The following HS3ST5 variants were observed in gnomAD, a reference collection of about 807,000 sequenced individuals.
The protein encoded by HS3ST5 is heparan sulfate glucosamine 3-O-sulfotransferase 5.
A neutral mutation model predicts 25.4 loss-of-function variants in HS3ST5; 10 were observed. The observed-to-expected ratio is 0.39, with a 90% CI of 0.24 to 0.67. The LOEUF (loss-of-function observed/expected upper bound fraction) is 0.67, where lower values mean the gene tolerates loss of function less well. HS3ST5 is among the 30% of genes least tolerant of loss of function. The probability of loss-of-function intolerance (pLI) is 0.44; values close to 1 mark genes in which losing one functional copy is unlikely to be tolerated. For synonymous variants in HS3ST5, 170 were observed against 162.4 expected, an observed-to-expected ratio of 1.05 and a Z score of -0.36; for missense variants, 324 against 420.7, an observed-to-expected ratio of 0.77 and a Z score of 2.01.
At chr6:114,207,845 G>A (rs1374662523) in intron 2 of HS3ST5, among the ~76,000 whole-genome samples, 1 of 152,024 alleles carries the variant, frequency 6.6e-6, no homozygotes, top group Admixed American at 6.6e-5. Flanking sequence ...TATACCATAT[G>A]TCTTATACTG....
chr6:114,084,100 T>A, intron 3 of HS3ST5: 1 of 584,962 alleles, frequency 1.7e-6, no homozygotes, highest in African/African-American at 1.9e-5. Flanking sequence ...TTTTTTTTTT[T>A]TAGAAACTGA....
At position 114,057,641 on chromosome 6, in the gene HS3ST5, T is replaced by A. The variant is rs1398954828; in HGVS notation, c.657A>T (p.Thr219=). Residue 219 remains threonine, a synonymous_variant, in exon 5 of 5, where the codon ACA becomes ACT. Coordinates refer to ENST00000312719, the MANE Select transcript of HS3ST5 (RefSeq NM_153612.4). The part of the protein sequence containing the change: ...KFEKLAIDPN[T]CEVNTKYKAV... Reference sequence around the variant, plus strand: ...CTTTGTATTTTGTGTTCACTTCGCATGTATTAGGGTCTATGGCCAGCTTCT... The same window carrying A: ...CTTTGTATTTTGTGTTCACTTCGCAAGTATTAGGGTCTATGGCCAGCTTCT... 6.2e-7 allele frequency: 1 copy of A among 1,614,024 alleles called. No homozygotes were observed. Among genetic ancestry groups the A allele is most frequent in the Non-Finnish European group, 8.5e-7 (1 of 1,180,016 alleles).
At chr6:114,175,027 G>A in intron 2 of HS3ST5, among the ~76,000 whole-genome samples, 1 of 152,102 alleles carries the variant, frequency 6.6e-6, no homozygotes. Context: ...GATAATAGGA[G>A]CATTGAAGGA....
At chr6:114,207,012 C>T (rs1264247016) in intron 2 of HS3ST5, among the ~76,000 whole-genome samples, 11 of 152,172 alleles carry the variant, frequency 7.2e-5, no homozygotes, top group Admixed American at 7.2e-4. Flanking sequence ...CTAGAGGATA[C>T]AGTATATCAC....
intron 1 of HS3ST5, among the ~76,000 whole-genome samples, chr6:114,249,403 G>A (rs952268771): frequency 5.3e-5 from 8 of 152,200 alleles, no homozygotes; most frequent in African/African-American, 1.9e-4. Context: ...AACAAGGCAT[G>A]AGAGAGAATA....
chr6:114,321,264 C>T (rs536413185), intron 1 of HS3ST5, among the ~76,000 whole-genome samples: 5 of 152,004 alleles, frequency 3.3e-5, no homozygotes, highest in Non-Finnish European at 7.4e-5. Context: ...GGGTTTATTG[C>T]TCCATCTATA....
At chr6:114,058,278 T>A in intron 4 of HS3ST5, 88 bp from the exon 5 acceptor site, 1 of 962,334 alleles carries the variant, frequency 1.0e-6, no homozygotes, top group Non-Finnish European at 1.5e-6. Flanking sequence ...TTTAAATGCA[T>A]AAATAAAGCC....
intron 1 of HS3ST5, among the ~76,000 whole-genome samples, chr6:114,289,045 TTGA>T: frequency 6.6e-6 from 1 of 152,246 alleles, no homozygotes; most frequent in Middle Eastern, 3.4e-3. Context: ...TAGTAGGCCC[TTGA>T]TGAATGCTGA....
At chr6:114,137,223 TC>T (rs1021840847) in intron 3 of HS3ST5, among the ~76,000 whole-genome samples, 4 of 151,958 alleles carry the variant, frequency 2.6e-5, no homozygotes, top group South Asian at 2.1e-4. Flanking sequence ...CAATTTCTTC[TC>T]CCCCCCGCAA....
At chr6:114,313,348 C>A (rs1323467085) in intron 1 of HS3ST5, among the ~76,000 whole-genome samples, 1 of 152,000 alleles carries the variant, frequency 6.6e-6, no homozygotes, top group Non-Finnish European at 1.5e-5. Flanking sequence ...CACTTGCTTA[C>A]AATAAAGAAA....
intron 3 of HS3ST5, among the ~76,000 whole-genome samples, chr6:114,131,627 C>T (rs1046589323): frequency 1.3e-5 from 2 of 152,138 alleles, no homozygotes; most frequent in Admixed American, 6.6e-5. Flanking sequence ...ATACTTCTTT[C>T]AGGAAACTGA....
At chr6:114,266,370 A>G (rs1773405102) in intron 1 of HS3ST5, among the ~76,000 whole-genome samples, 1 of 152,196 alleles carries the variant, frequency 6.6e-6, no homozygotes, top group African/African-American at 2.4e-5. Flanking sequence ...TTTGGCAAAA[A>G]ATTTAAGATA....
At chr6:114,307,653 T>C (rs1460773013) in intron 1 of HS3ST5, among the ~76,000 whole-genome samples, 1 of 152,056 alleles carries the variant, frequency 6.6e-6, no homozygotes, top group Non-Finnish European at 1.5e-5. Flanking sequence ...GTGGAAAGAA[T>C]TTGCATTTAA....
chr6:114,292,088 CAT>C (rs1774603404), intron 1 of HS3ST5, among the ~76,000 whole-genome samples: 1 of 135,204 alleles, frequency 7.4e-6, no homozygotes, highest in African/African-American at 2.5e-5. Flanking sequence ...GGAATAAAGA[CAT>C]TGTTTAATTG....
rs1167237196 is a variant in HS3ST5, at chr6:114,245,457, G to A, written c.-338-16679C>T. 6.6e-5 allele frequency among the ~76,000 whole-genome samples: 10 copies of A among 152,120 alleles called. No homozygotes were observed. In the East Asian group the frequency reaches 1.4e-3, roughly 21 times the overall value. ...GGATCATCATCAAGAATAATGTCTT[G>A]GTATGTGGCCAGCCTACTTGCATGG... On this transcript the variant is annotated intron_variant, in intron 1 of 4. Coordinates refer to ENST00000312719, the MANE Select transcript of HS3ST5 (RefSeq NM_153612.4).
At chr6:114,098,824 A>G (rs1775580548) in intron 3 of HS3ST5, among the ~76,000 whole-genome samples, 1 of 152,048 alleles carries the variant, frequency 6.6e-6, no homozygotes, top group South Asian at 2.1e-4. Flanking sequence ...TGTCATAGGA[A>G]GGCTAGCTCA....
At chr6:114,191,086 T>C (rs1417492848) in intron 2 of HS3ST5, among the ~76,000 whole-genome samples, 1 of 152,146 alleles carries the variant, frequency 6.6e-6, no homozygotes, top group African/African-American at 2.4e-5. Flanking sequence ...GACTTAATGG[T>C]GGTCTAATAA....
At chr6:114,144,996 A>G (rs546948278) in intron 3 of HS3ST5, among the ~76,000 whole-genome samples, 1 of 152,314 alleles carries the variant, frequency 6.6e-6, no homozygotes, top group South Asian at 2.1e-4. Context: ...CCATTCAAAC[A>G]TCTCAGCTGA....
At chr6:114,319,160 G>A (rs1315081361) in intron 1 of HS3ST5, among the ~76,000 whole-genome samples, 1 of 152,068 alleles carries the variant, frequency 6.6e-6, no homozygotes, top group Non-Finnish European at 1.5e-5. Context: ...TTCTGATGAT[G>A]TTATATATTC....
Sources: allele counts gnomAD v4.1 joint callset (sites outside exome capture counted in the v4.1 genomes callset), GRCh38; gene constraint gnomAD v4.1.1; transcripts MANE v1.5; gene names NCBI Gene and HGNC (gene_info 2026-07-23, HGNC 2026-07-21).